Variants in SNX29 observed in about 807,000 individuals in gnomAD.
SNX29 encodes the protein sorting nexin 29.
In SNX29, 78 loss-of-function variants were observed where a neutral mutation model predicts 102.1. The observed-to-expected ratio is 0.76, with a 90% confidence interval of 0.64 to 0.92. The LOEUF (loss-of-function observed/expected upper bound fraction) is 0.92. SNX29 is among the 40% of genes least tolerant of loss of function. The pLI, the probability that SNX29 is intolerant of heterozygous loss-of-function variation, is 0.00. For missense variants in SNX29, 1,280 were observed against 1,061.7 expected (o/e 1.21, Z -2.86); for synonymous variants, 580 against 414.5 (o/e 1.40, Z -4.85).
chr16:12,471,989 G>A (rs1175165176), intron 18 of SNX29, among the ~76,000 whole-genome samples: 2 of 152,186 alleles, frequency 1.3e-5, no homozygotes, highest in Non-Finnish European at 2.9e-5. Flanking sequence ...AGCCACACAC[G>A]CAAATGTTCA....
chr16:12,276,571 C>T lies in SNX29; in HGVS notation c.1679-1362C>T, dbSNP rs546181668. ...TGTTTAGCCTCACTGCCCCTCCATA[C>T]AGCTGATAGGGCATCCAAGGGATTT... On this transcript the variant is annotated intron_variant, in intron 14 of 20. Coordinates refer to ENST00000566228, the MANE Select transcript of SNX29 (RefSeq NM_032167.5). Among the ~76,000 whole-genome samples, 8 of 152,328 alleles carry T rather than the reference C, an allele frequency of 5.3e-5. No homozygotes were observed. In the South Asian group the frequency reaches 6.2e-4, roughly 12 times the overall value.
chr16:12,089,967 T>A (rs1011412119), intron 11 of SNX29: 3 of 227,260 alleles, frequency 1.3e-5, no homozygotes, highest in Non-Finnish European at 1.8e-5. Context: ...GTCCTGTCAC[T>A]GCCCTAAGCA....
chr16:12,294,462 T>C (rs1036318777), intron 15 of SNX29, among the ~76,000 whole-genome samples: 22 of 151,718 alleles, frequency 1.5e-4, no homozygotes, highest in Admixed American at 1.3e-3. Flanking sequence ...GGAGAATGAG[T>C]CTTCTTGGTT....
intron 13 of SNX29, among the ~76,000 whole-genome samples, chr16:12,134,988 AGAACCTGTGG>A (rs1182293712): frequency 6.6e-6 from 1 of 152,240 alleles, no homozygotes; most frequent in African/African-American, 2.4e-5. Flanking sequence ...CAAGAGCCAG[AGAACCTGTGG>A]TGTAGGTTCC....
chr16:12,498,369 A>C (rs1407569831), intron 19 of SNX29, among the ~76,000 whole-genome samples: 4 of 152,172 alleles, frequency 2.6e-5, no homozygotes, highest in African/African-American at 9.7e-5. Flanking sequence ...AAGCAAAAAA[A>C]GTGGCATGGT....
At chr16:12,409,627 C>T (rs1291735728) in intron 18 of SNX29, among the ~76,000 whole-genome samples, 1 of 151,998 alleles carries the variant, frequency 6.6e-6, no homozygotes, top group Non-Finnish European at 1.5e-5. Flanking sequence ...GACGGTGTTT[C>T]ACCGTGTTAG....
chr16:12,562,456 C>G (rs932814871), intron 20 of SNX29, among the ~76,000 whole-genome samples: 1 of 152,162 alleles, frequency 6.6e-6, no homozygotes, highest in African/African-American at 2.4e-5. Context: ...GACTTTGATC[C>G]CCCTTCATAG....
chr16:12,374,724 G>A (rs2082810657), intron 16 of SNX29: 1 of 152,172 alleles, frequency 6.6e-6, no homozygotes, highest in East Asian at 1.9e-4. Context: ...CGCTCAGAAA[G>A]TCCAGACGCC....
At chr16:12,507,983 G>C (rs2089451842) in intron 19 of SNX29, among the ~76,000 whole-genome samples, 1 of 152,176 alleles carries the variant, frequency 6.6e-6, no homozygotes, top group Non-Finnish European at 1.5e-5. Context: ...AGAGTAGCTG[G>C]GCCTGGAAGC....
At chr16:12,030,881 C>A (rs1409214064) in intron 4 of SNX29, among the ~76,000 whole-genome samples, 3 of 152,116 alleles carry the variant, frequency 2.0e-5, no homozygotes, top group Non-Finnish European at 4.4e-5. Context: ...ACTCTTTCAT[C>A]CAGTTTGCAA....
At chr16:12,272,752 AC>A (rs2079128623) in intron 14 of SNX29, among the ~76,000 whole-genome samples, 1 of 152,012 alleles carries the variant, frequency 6.6e-6, no homozygotes, top group East Asian at 1.9e-4. Flanking sequence ...CCCACTTGCC[AC>A]CCTTCAGAAG....
chr16:12,020,490 C>A (rs2056985521), intron 3 of SNX29, among the ~76,000 whole-genome samples: 1 of 152,136 alleles, frequency 6.6e-6, no homozygotes, highest in African/African-American at 2.4e-5. Flanking sequence ...GTGTGAGCAA[C>A]TGCGCCCCAC....
In SNX29 at chr16:12,324,201, T is replaced by A. The variant is rs113596561; in HGVS notation, c.1783-31962T>A. On this transcript the variant is annotated intron_variant, in intron 15 of 20. Transcript: ENST00000566228. Reference sequence around the variant, plus strand: ...TTGGGGGGGTCCCATGAGTTTACATTGAGGACAGCATCCTTGGAGCCTCAG... The same window carrying A: ...TTGGGGGGGTCCCATGAGTTTACATAGAGGACAGCATCCTTGGAGCCTCAG... Among the ~76,000 whole-genome samples, 722 of 151,982 alleles carry A rather than the reference T, an allele frequency of 4.8e-3. 5 individuals are homozygous for A. The highest frequency in any genetic ancestry group is 0.017 in the African/African-American group (700 of 41,424).
chr16:12,475,096 G>A (rs929145904), intron 18 of SNX29, among the ~76,000 whole-genome samples: 1 of 152,206 alleles, frequency 6.6e-6, no homozygotes, highest in African/African-American at 2.4e-5. Context: ...ATCACTTTGG[G>A]TGGGAGATGC....
chr16:12,444,914 C>T (rs1010882348), intron 18 of SNX29, among the ~76,000 whole-genome samples: 2 of 149,198 alleles, frequency 1.3e-5, no homozygotes, highest in African/African-American at 2.5e-5. Flanking sequence ...TGCAGTGGCA[C>T]GACCTCAGCT....
intron 11 of SNX29, among the ~76,000 whole-genome samples, chr16:12,089,125 AAAAGAGAGAGAGAGAGAGAAAAGAG>A (rs1473306213): frequency 3.3e-5 from 3 of 89,720 alleles, no homozygotes; most frequent in African/African-American, 1.4e-4. Flanking sequence ...AGAGAGAGAG[AAAAGAGAGAGAGAGAGAGAAAAGAG>A]AAAGAGAAAG....
intron 15 of SNX29, among the ~76,000 whole-genome samples, chr16:12,350,313 A>G (rs905082056): frequency 3.9e-5 from 6 of 152,222 alleles, no homozygotes; most frequent in Non-Finnish European, 7.3e-5. Flanking sequence ...CCTAAACAAT[A>G]TGGTAGAACA....
chr16:12,180,492 T>C (rs560971026), intron 13 of SNX29, among the ~76,000 whole-genome samples: 1 of 148,886 alleles, frequency 6.7e-6, no homozygotes, highest in Non-Finnish European at 1.5e-5. Context: ...CTCTGTCTCT[T>C]TTTTTTTTTG....
At chr16:12,497,243 T>C (rs2088875342) in intron 19 of SNX29, among the ~76,000 whole-genome samples, 1 of 152,230 alleles carries the variant, frequency 6.6e-6, no homozygotes, top group Non-Finnish European at 1.5e-5. Flanking sequence ...ACGAAAAGCT[T>C]CATTAATTTC....
Sources: allele counts gnomAD v4.1 joint callset (sites outside exome capture counted in the v4.1 genomes callset), GRCh38; gene constraint gnomAD v4.1.1; transcripts MANE v1.5; gene names NCBI Gene and HGNC (gene_info 2026-07-23, HGNC 2026-07-21).